TRIB1: variants seen among roughly 807,000 people sequenced by gnomAD.
The protein encoded by TRIB1 is tribbles homolog 1.
A neutral mutation model predicts 27.8 loss-of-function variants in TRIB1; 12 were observed. The observed-to-expected ratio is 0.43, with a 90% CI of 0.28 to 0.70. The LOEUF (loss-of-function observed/expected upper bound fraction) is 0.70. Ranked by LOEUF, TRIB1 falls within the 30% of genes least tolerant of loss-of-function variation. The probability of loss-of-function intolerance (pLI) is 0.18; values close to 1 mark genes in which losing one functional copy is unlikely to be tolerated. For missense variants in TRIB1, 475 were observed against 515.8 expected (o/e 0.92, Z 0.77); for synonymous variants, 230 against 224.9 (o/e 1.02, Z -0.20).
At position 125,436,030 on chromosome 8, in the gene TRIB1, A is replaced by G. The variant is rs898672230; in HGVS notation, c.678A>G (p.Leu226=). 4 of 1,614,000 alleles carry G rather than the reference A, an allele frequency of 2.5e-6. No individual in the cohort carries two copies. The African/African-American group carries it at 5.3e-5, about 22-fold the overall frequency. ...EERTQLRLES[L]EDTHIMKGED... is the part of the protein sequence containing the mutation. ...GAACCCAGCTTAGACTAGAAAGTCT[A>G]GAAGACACACACATAATGAAGGGGG... The change falls in exon 3 of 3, where the codon CTA becomes CTG. Residue 226 remains leucine, a synonymous_variant. Transcript: ENST00000311922.
intron 2 of TRIB1, 25 bp from the exon 3 acceptor site, chr8:125,435,981 A>G (rs1307481051): frequency 6.3e-7 from 1 of 1,585,370 alleles, no homozygotes; most frequent in South Asian, 1.1e-5. Flanking sequence ...TGTGGAAATA[A>G]TGGCTTGGTT....
rs956691124 is a variant in TRIB1 at position 125,436,610 on chromosome 8, T to C, written c.*139T>C. The C allele has an allele frequency of 1.8e-5, 14 of 760,958 alleles. No homozygotes were observed. The African/African-American group carries it at 2.3e-4, about 12-fold the overall frequency. The allele number at this position is 760,958 out of a possible 1,614,324, so 47.1% of individuals were successfully genotyped here. A position where few individuals can be genotyped will look rare whatever the true frequency, so the allele number is the denominator to read the frequency against. On this transcript the variant is annotated 3_prime_UTR_variant, in exon 3 of 3. Coordinates refer to ENST00000311922, the MANE Select transcript of TRIB1 (RefSeq NM_025195.4). Reference sequence around the variant, plus strand: ...CTGCTGAACTCGGCATGGCGCCTCCTCTTCTCTGTTGGGATGAGTGACTTT... The same window carrying C: ...CTGCTGAACTCGGCATGGCGCCTCCCCTTCTCTGTTGGGATGAGTGACTTT...
rs1814700824 is a variant in TRIB1, at chr8:125,433,609, G to A, written c.653G>A (p.Arg218Lys). ...LRKFVFSTEE[R>K]TQLRLESLED... ...AAGTTCGTCTTCTCCACGGAGGAGAGGTGAGCGGCCGCCACAGCTTCTCCT... is the reference window on the plus strand; with the variant it reads ...AAGTTCGTCTTCTCCACGGAGGAGAAGTGAGCGGCCGCCACAGCTTCTCCT... Residue 218 changes from arginine (R) to lysine (K), a missense_variant and splice_region_variant, in exon 2 of 3, where the codon AGA becomes AAA. Transcript: ENST00000311922. This position sits in a 1 kb window ranked among gnomAD's most constrained non-coding sequence, Gnocchi z 4.4. 1 of 1,600,584 alleles carries A rather than the reference G, an allele frequency of 6.2e-7. No individual in the cohort carries two copies. Among genetic ancestry groups the A allele is most frequent in the Admixed American group, 1.7e-5 (1 of 59,814 alleles).
rs1814745792 is a variant in TRIB1, at chr8:125,436,251, A to T, written c.899A>T (p.Gln300Leu). 1 of 1,613,970 alleles carries T rather than the reference A, an allele frequency of 6.2e-7. No homozygotes were observed. The highest frequency in any genetic ancestry group is 8.5e-7 in the Non-Finnish European group (1 of 1,180,040). The change falls in exon 3 of 3, where the codon CAG (glutamine) becomes CTG (leucine). Residue 300 changes from glutamine to leucine, a missense_variant. Coordinates refer to ENST00000311922, the MANE Select transcript of TRIB1 (RefSeq NM_025195.4). ...CTTTTCTCCAAAATTCGGCGTGGAC[A>T]GTTCTGCATTCCTGAGCACATTTCC... ...SALFSKIRRG[Q>L]FCIPEHISPK...
chr8:125,436,336 T>C lies in TRIB1; in HGVS notation c.984T>C (p.Thr328=). 1 of 1,613,526 alleles carries C rather than the reference T, an allele frequency of 6.2e-7. No homozygotes were observed. Among genetic ancestry groups the C allele is most frequent in the South Asian group, 1.1e-5 (1 of 91,030 alleles). ...GACGGGAGCCCTCCGAGAGACTCAC[T>C]GCCCCCGAGATCCTACTGCACCCCT... is the stretch of plus-strand genomic sequence containing the variant. ...LLRREPSERL[T]APEILLHPWF... Residue 328 remains threonine (T), a synonymous_variant, in exon 3 of 3, where the codon ACT becomes ACC. Transcript: ENST00000311922.
chr8:125,432,502 G>A (rs1054385243), intron 1 of TRIB1, among the ~76,000 whole-genome samples: 1 of 152,088 alleles, frequency 6.6e-6, no homozygotes, highest in African/African-American at 2.4e-5. Context: ...GACAGCCCGT[G>A]TGTCACCGTT....
chr8:125,430,697 G>C lies in TRIB1; in HGVS notation c.-206G>C. ...GACTCGAGCCGGCCTCCGCCTCCCGGACGCACAGCCAGCGTGGTCCCCGCG... is the reference window on the plus strand; with the variant it reads ...GACTCGAGCCGGCCTCCGCCTCCCGCACGCACAGCCAGCGTGGTCCCCGCG... On this transcript the variant is annotated 5_prime_UTR_variant, in exon 1 of 3. Transcript: ENST00000311922. The C allele has an allele frequency of 1.7e-6, 1 of 593,742 alleles. No homozygotes were observed. The highest frequency in any genetic ancestry group is 2.5e-6 in the Non-Finnish European group (1 of 398,830). 36.8% of individuals were successfully genotyped at this position (593,742 alleles called of 1,614,324 possible).
At position 125,436,563 on chromosome 8, in the gene TRIB1, A is replaced by G; in HGVS notation, c.*92A>G. ...CCCTTTGGCGTGGTACCAACCAGAT[A>G]ATGACTGCATCAGGATGAAAGCTGC... is the stretch of plus-strand genomic sequence containing the variant. On this transcript the variant is annotated 3_prime_UTR_variant, in exon 3 of 3. Transcript: ENST00000311922. 1.6e-6 allele frequency: 2 copies of G among 1,230,260 alleles called. No homozygotes were observed. Among genetic ancestry groups the G allele is most frequent in the Non-Finnish European group, 2.3e-6 (2 of 872,932 alleles). The allele number at this position is 1,230,260 out of a possible 1,614,324, so 76.2% of individuals were successfully genotyped here. A position where few individuals can be genotyped will look rare whatever the true frequency, so the allele number is the denominator to read the frequency against.
In TRIB1 at chr8:125,436,194, G is replaced by A; in HGVS notation, c.842G>A (p.Arg281Gln). ...GVMLYTLLVG[R>Q]YPFHDSDPSA... is the part of the protein sequence containing the mutation. ...ATGCTCTACACCCTTCTGGTTGGAC[G>A]ATACCCCTTCCATGACTCAGACCCC... Residue 281 changes from arginine to glutamine, a missense_variant, in exon 3 of 3, where the codon CGA becomes CAA. By Grantham distance (43) the Arg-to-Gln change is conservative. Transcript: ENST00000311922. 1.9e-6 allele frequency: 3 copies of A among 1,614,086 alleles called. No individual in the cohort carries two copies. The highest frequency in any genetic ancestry group is 1.1e-5 in the South Asian group (1 of 91,078).
chr8:125,433,350 A>G lies in TRIB1; in HGVS notation c.394A>G (p.Arg132Gly). Residue 132 changes from arginine to glycine, a missense_variant, in exon 2 of 3, where the codon AGG becomes GGG. By Grantham distance (125) the Arg-to-Gly change is moderately radical. Coordinates refer to ENST00000311922, the MANE Select transcript of TRIB1 (RefSeq NM_025195.4). The surrounding 1 kb of genome is among the most constrained non-coding windows in gnomAD (Gnocchi z 4.4). Reference sequence around the variant, plus strand: ...CATTAAACACTACCAGGACAAAATCAGGCCTTACATCCAGCTGCCATCGCA... The same window carrying G: ...CATTAAACACTACCAGGACAAAATCGGGCCTTACATCCAGCTGCCATCGCA... The part of the protein sequence containing the change: ...FPIKHYQDKI[R>G]PYIQLPSHSN... The G allele has an allele frequency of 6.2e-7, 1 of 1,614,128 alleles. No homozygotes were observed. The highest frequency in any genetic ancestry group is 1.3e-5 in the African/African-American group (1 of 75,050).
chr8:125,436,306 C>A lies in TRIB1; in HGVS notation c.954C>A (p.Leu318=). 1 of 1,614,100 alleles carries A rather than the reference C, an allele frequency of 6.2e-7. No individual in the cohort carries two copies. The highest frequency in any genetic ancestry group is 8.5e-7 in the Non-Finnish European group (1 of 1,180,030). Reference sequence around the variant, plus strand: ...AAGCCAGGTGCCTCATTCGCAGCCTCTTGAGACGGGAGCCCTCCGAGAGAC... The same window carrying A: ...AAGCCAGGTGCCTCATTCGCAGCCTATTGAGACGGGAGCCCTCCGAGAGAC... ...SPKARCLIRS[L]LRREPSERLT... is the part of the protein sequence containing the mutation. The change falls in exon 3 of 3, where the codon CTC becomes CTA. Residue 318 remains leucine, a synonymous_variant. Transcript: ENST00000311922.
In TRIB1 at chr8:125,430,870, T is replaced by A; in HGVS notation, c.-33T>A. The A allele has an allele frequency of 7.2e-7, 1 of 1,379,682 alleles. No homozygotes were observed. The allele number at this position is 1,379,682 out of a possible 1,614,324, so 85.5% of individuals were successfully genotyped here. A position where few individuals can be genotyped will look rare whatever the true frequency, so the allele number is the denominator to read the frequency against. ...GTCTTCCCGCGCGGATCCCGGGACT[T>A]AAAAAGCCGGGGCCACCCCGGCCCA... On this transcript the variant is annotated 5_prime_UTR_variant, in exon 1 of 3. Transcript: ENST00000311922.
rs957526974 is a variant in TRIB1 at position 125,433,940 on chromosome 8, G to A, written c.653+331G>A. On this transcript the variant is annotated intron_variant, in intron 2 of 2. Coordinates refer to ENST00000311922, the MANE Select transcript of TRIB1 (RefSeq NM_025195.4). The surrounding 1 kb of genome is among the most constrained non-coding windows in gnomAD (Gnocchi z 4.4). The stretch of plus-strand genomic sequence containing the variant: ...GTACAAATATTAAACTGCCCTTTAC[G>A]ATATTGCCTTCTGAAGGAAGTGTTC... 2.0e-5 allele frequency among the ~76,000 whole-genome samples: 3 copies of A among 152,166 alleles called. No individual in the cohort carries two copies. Among genetic ancestry groups the A allele is most frequent in the Non-Finnish European group, 4.4e-5 (3 of 68,036 alleles).
intron 1 of TRIB1, among the ~76,000 whole-genome samples, chr8:125,431,608 C>T (rs1254772003): frequency 6.6e-6 from 1 of 151,692 alleles, no homozygotes; most frequent in South Asian, 2.1e-4. Context: ...CGCTCTCCAC[C>T]CCCCCTCCCC....
chr8:125,431,800 C>T (rs1814661512), intron 1 of TRIB1, among the ~76,000 whole-genome samples: 1 of 152,242 alleles, frequency 6.6e-6, no homozygotes, highest in African/African-American at 2.4e-5. Flanking sequence ...GACTAGAACA[C>T]GCCCTCCCAA....
intron 2 of TRIB1, among the ~76,000 whole-genome samples, chr8:125,434,733 T>G (rs1360371208): frequency 6.6e-6 from 1 of 152,248 alleles, no homozygotes; most frequent in Non-Finnish European, 1.5e-5. Context: ...AATGTCAGGC[T>G]GACGCTATTC....
intron 1 of TRIB1, chr8:125,432,815 C>T (rs1294061141): frequency 1.3e-5 from 2 of 155,292 alleles, no homozygotes; most frequent in Admixed American, 1.3e-4. Flanking sequence ...GTTCTCTGGC[C>T]CCTGCTTCCC....
At position 125,430,899 on chromosome 8, in the gene TRIB1, C is replaced by A. The variant is rs921399909; in HGVS notation, c.-4C>A. On this transcript the variant is annotated 5_prime_UTR_variant, in exon 1 of 3. Transcript: ENST00000311922. The stretch of plus-strand genomic sequence containing the variant: ...AAGCCGGGGCCACCCCGGCCCAGGA[C>A]GGGATGCGGGTCGGTCCGGTGCGCT... 12 of 1,425,866 alleles carry A rather than the reference C, an allele frequency of 8.4e-6. No individual in the cohort carries two copies. Among genetic ancestry groups the A allele is most frequent in the Non-Finnish European group, 1.0e-5 (11 of 1,096,814 alleles). 88.3% of individuals were successfully genotyped at this position (1,425,866 alleles called of 1,614,324 possible).
rs917527533 is a variant in TRIB1 at position 125,431,357 on chromosome 8, G to T, written c.360+95G>T. 7.5e-6 allele frequency: 9 copies of T among 1,201,576 alleles called. No individual in the cohort carries two copies. In the African/African-American group the frequency reaches 9.5e-5, roughly 13 times the overall value. 74.4% of individuals were successfully genotyped at this position (1,201,576 alleles called of 1,614,324 possible). The stretch of plus-strand genomic sequence containing the variant: ...GGGGTCCGGCCAACGCTTGGGCTGG[G>T]CACAGGGCGGATCAGTAGATTGGGT... On this transcript the variant is annotated intron_variant, in intron 1 of 2. Coordinates refer to ENST00000311922, the MANE Select transcript of TRIB1 (RefSeq NM_025195.4).
Sources: gnomAD v4.1 joint callset for allele counts (sites outside exome capture counted in the v4.1 genomes callset) on GRCh38, gnomAD v4.1.1 for gene constraint, Gnocchi (gnomAD v3.1) non-coding constraint, MANE v1.5 for transcripts, NCBI Gene and HGNC (gene_info 2026-07-23, HGNC 2026-07-21) for gene names.